Variants in ATP2C1 observed in about 807,000 individuals in gnomAD.
The protein encoded by ATP2C1 is ATPase secretory pathway Ca2+ transporting 1.
In ATP2C1, 31 loss-of-function variants were observed where a neutral mutation model predicts 120.5. The ratio of observed to expected loss-of-function variants is 0.26; its 90% CI spans 0.19 to 0.35. ATP2C1 has a LOEUF of 0.35. Among genes scored for constraint, ATP2C1 ranks in the 10% least tolerant of loss-of-function variants. ATP2C1 has a pLI of 1.00. For synonymous variants in ATP2C1, 351 were observed against 358.7 expected (o/e 0.98, Z 0.24); for missense variants, 731 against 1,107.5 (o/e 0.66, Z 4.83).
chr3:130,892,328 G>A (rs2069201113), upstream of ATP2C1, among the ~76,000 whole-genome samples: 1 of 152,228 alleles, frequency 6.6e-6, no homozygotes, highest in East Asian at 1.9e-4. Context: ...TTTCAAGGTC[G>A]AATATGTACA....
At chr3:130,887,209 A>G (rs2069000369) in intron 1 of ATP2C1, among the ~76,000 whole-genome samples, 1 of 152,140 alleles carries the variant, frequency 6.6e-6, no homozygotes, top group South Asian at 2.1e-4. Flanking sequence ...TGAGCTGCCT[A>G]GGGCTGCAGG....
chr3:130,958,336 A>C (rs1405997706), intron 11 of ATP2C1, among the ~76,000 whole-genome samples: 1 of 152,166 alleles, frequency 6.6e-6, no homozygotes, highest in Non-Finnish European at 1.5e-5. Flanking sequence ...CATAGAAAAT[A>C]TGTAAATAAA....
chr3:130,868,905 A>T (rs1017646628), intron 1 of ATP2C1: 1 of 157,184 alleles, frequency 6.4e-6, no homozygotes, highest in African/African-American at 2.6e-5. Flanking sequence ...CTGCCCGGCC[A>T]CCACCCCGTC....
chr3:130,976,165 T>A (rs1304964641), intron 18 of ATP2C1, among the ~76,000 whole-genome samples: 2 of 152,228 alleles, frequency 1.3e-5, no homozygotes, highest in Non-Finnish European at 2.9e-5. Flanking sequence ...ATTATTTTAA[T>A]GAAATAGGAG....
At chr3:130,866,451 C>T (rs909263525) in intron 1 of ATP2C1, among the ~76,000 whole-genome samples, 1 of 152,226 alleles carries the variant, frequency 6.6e-6, no homozygotes, top group Non-Finnish European at 1.5e-5. Flanking sequence ...TTCCCTACTC[C>T]TCTTCTTTCA....
At chr3:130,989,817 A>G (rs2062230693) in intron 20 of ATP2C1, among the ~76,000 whole-genome samples, 1 of 152,352 alleles carries the variant, frequency 6.6e-6, no homozygotes, top group East Asian at 1.9e-4. Context: ...CACTTGTTAT[A>G]TTTCAGTGCT....
intron 2 of ATP2C1, among the ~76,000 whole-genome samples, chr3:130,913,970 C>T (rs1327167536): frequency 6.6e-6 from 1 of 152,024 alleles, no homozygotes; most frequent in Non-Finnish European, 1.5e-5. Flanking sequence ...AGATTGTTTT[C>T]CGAGGATTAA....
chr3:130,923,008 C>T (rs913534596), intron 2 of ATP2C1, among the ~76,000 whole-genome samples: 5 of 152,018 alleles, frequency 3.3e-5, no homozygotes, highest in Admixed American at 3.3e-4. Flanking sequence ...TCCATTGTTT[C>T]TTTCTTGACT....
chr3:130,932,782 A>T (rs1242237695), intron 4 of ATP2C1, among the ~76,000 whole-genome samples: 1 of 152,106 alleles, frequency 6.6e-6, no homozygotes, highest in Non-Finnish European at 1.5e-5. Context: ...TTTTTGCTAA[A>T]AACTTCTTTT....
intron 2 of ATP2C1, among the ~76,000 whole-genome samples, chr3:130,896,331 G>T (rs971732272): frequency 6.6e-6 from 1 of 152,130 alleles, no homozygotes; most frequent in East Asian, 1.9e-4. Context: ...GTGCCTACTT[G>T]TGTCTGTCTC....
intron 1 of ATP2C1, chr3:130,851,022 T>C: frequency 1.5e-6 from 1 of 669,390 alleles, no homozygotes; most frequent in South Asian, 3.9e-5. Context: ...CTGGTTTACA[T>C]GTTTATAGGT....
chr3:131,015,992 G>A (rs1218155681), intron 26 of ATP2C1: 1 of 947,444 alleles, frequency 1.1e-6, no homozygotes, highest in Non-Finnish European at 1.6e-6. Flanking sequence ...CTCTTCAGCT[G>A]TAACAGTGAC....
At chr3:130,923,202 C>T (rs773111489) in intron 2 of ATP2C1, among the ~76,000 whole-genome samples, 13 of 151,368 alleles carry the variant, frequency 8.6e-5, no homozygotes, top group Admixed American at 1.3e-4. Flanking sequence ...GTCCTTTTAT[C>T]GTTATATAAT....
chr3:130,956,210 T>A lies in ATP2C1; in HGVS notation c.832+31T>A, dbSNP rs187612927. On this transcript the variant is annotated intron_variant, in intron 11 of 27. Transcript: ENST00000510168. Reference sequence around the variant, plus strand: ...AGAAGAGTGAGTATGTATATATTTTTATTTGAGTTTTGTTTTTTGAATGTG... The same window carrying A: ...AGAAGAGTGAGTATGTATATATTTTAATTTGAGTTTTGTTTTTTGAATGTG... 139 of 1,437,192 alleles carry A rather than the reference T, an allele frequency of 9.7e-5. No homozygotes were observed. In the African/African-American group the frequency reaches 1.7e-3, roughly 18 times the overall value. 89.0% of individuals were successfully genotyped at this position (1,437,192 alleles called of 1,614,324 possible).
intron 20 of ATP2C1, among the ~76,000 whole-genome samples, chr3:130,984,870 A>C (rs897733143): frequency 2.0e-5 from 3 of 152,232 alleles, no homozygotes; most frequent in African/African-American, 7.2e-5. Context: ...TAACCTACAT[A>C]GTTTTGCAAG....
At chr3:130,881,425 C>G (rs984859981) in intron 1 of ATP2C1, among the ~76,000 whole-genome samples, 5 of 151,324 alleles carry the variant, frequency 3.3e-5, no homozygotes, top group African/African-American at 1.2e-4. Context: ...GTGGTGTGAA[C>G]ATGGCTCACC....
At chr3:130,941,260 G>C (rs999592295) in intron 7 of ATP2C1, among the ~76,000 whole-genome samples, 4 of 133,146 alleles carry the variant, frequency 3.0e-5, no homozygotes, top group Admixed American at 2.2e-4. Context: ...GTGTGTGTGT[G>C]TGTGTCTGTG....
chr3:130,945,830 ATAT>A (rs2060129029), intron 8 of ATP2C1, among the ~76,000 whole-genome samples: 1 of 151,780 alleles, frequency 6.6e-6, no homozygotes, highest in Non-Finnish European at 1.5e-5. Flanking sequence ...GGTAAAGTCT[ATAT>A]CAATATTTGG....
At chr3:130,949,931 T>C (rs905694814) in intron 8 of ATP2C1, among the ~76,000 whole-genome samples, 6 of 152,146 alleles carry the variant, frequency 3.9e-5, no homozygotes, top group Non-Finnish European at 8.8e-5. Flanking sequence ...ATTTCTAATC[T>C]GCATTTTAAT....
Sources: allele counts gnomAD v4.1 joint callset (sites outside exome capture counted in the v4.1 genomes callset), GRCh38; gene constraint gnomAD v4.1.1; transcripts MANE v1.5; gene names NCBI Gene and HGNC (gene_info 2026-07-23, HGNC 2026-07-21).